The following CARMIL1 variants were observed in gnomAD, a reference collection of about 807,000 sequenced individuals.
The protein encoded by CARMIL1 is F-actin-uncapping protein LRRC16A.
Under a neutral mutation model 177.1 loss-of-function variants are expected in CARMIL1, and 90 were observed. That is an observed-to-expected ratio of 0.51 (90% CI 0.43 to 0.61). CARMIL1 has a LOEUF of 0.61. Among genes scored for constraint, CARMIL1 ranks in the 20% least tolerant of loss-of-function variants. The pLI, the probability that CARMIL1 is intolerant of heterozygous loss-of-function variation, is 0.00. For missense variants in CARMIL1, 1,380 were observed against 1,667.0 expected, an observed-to-expected ratio of 0.83 and a Z score of 3.00; for synonymous variants, 577 against 606.2, an observed-to-expected ratio of 0.95 and a Z score of 0.71.
intron 2 of CARMIL1, among the ~76,000 whole-genome samples, chr6:25,298,190 T>C (rs1418222331): frequency 1.3e-5 from 2 of 152,220 alleles, no homozygotes; most frequent in East Asian, 3.8e-4. Flanking sequence ...TAGCTGTTAT[T>C]GTTAGGGGTA....
chr6:25,411,515 A>C (rs1794901002), intron 2 of CARMIL1, among the ~76,000 whole-genome samples: 1 of 152,212 alleles, frequency 6.6e-6, no homozygotes, highest in South Asian at 2.1e-4. Context: ...CTTTGAAAAG[A>C]GGATCTGATA....
At chr6:25,477,852 CTTTTT>C in intron 11 of CARMIL1, among the ~76,000 whole-genome samples, 1 of 98,022 alleles carries the variant, frequency 1.0e-5, no homozygotes, top group African/African-American at 4.0e-5. Flanking sequence ...CTTCTCATCA[CTTTTT>C]TTTTTTTTTT....
Position 25,568,429 on chromosome 6 carries a change from C to T in CARMIL1, c.2742+11579C>T, listed in dbSNP as rs1477993490. 2.0e-5 allele frequency among the ~76,000 whole-genome samples: 3 copies of T among 152,142 alleles called. No individual in the cohort carries two copies. In the East Asian group the frequency reaches 5.8e-4, roughly 29 times the overall value. On this transcript the variant is annotated intron_variant, in intron 29 of 36. Transcript: ENST00000329474. ...CATGGTGCTCTATTCTGCTTGCTGG[C>T]TAAGGGTGGAGCCTTAACCTGGAAA...
At chr6:25,564,685 C>G (rs1356307798) in intron 29 of CARMIL1, among the ~76,000 whole-genome samples, 2 of 151,978 alleles carry the variant, frequency 1.3e-5, no homozygotes, top group East Asian at 3.9e-4. Context: ...TGCATTTGAC[C>G]TATAAAAAGT....
At chr6:25,479,080 C>T in intron 11 of CARMIL1, 1 of 518,672 alleles carries the variant, frequency 1.9e-6, no homozygotes, top group Non-Finnish European at 3.8e-6. Context: ...TGCTTTCTAA[C>T]AGAGAAGAGG....
At chr6:25,589,879 G>T (rs908984866) in intron 31 of CARMIL1, among the ~76,000 whole-genome samples, 1 of 152,136 alleles carries the variant, frequency 6.6e-6, no homozygotes, top group South Asian at 2.1e-4. Context: ...CAGGTGACTG[G>T]TATTGATCTT....
intron 2 of CARMIL1, among the ~76,000 whole-genome samples, chr6:25,401,753 C>A (rs1006894974): frequency 1.3e-5 from 2 of 152,166 alleles, no homozygotes; most frequent in African/African-American, 4.8e-5. Flanking sequence ...AATAAATGAA[C>A]CCCATTATAC....
At chr6:25,391,252 C>A (rs1303569510) in intron 2 of CARMIL1, among the ~76,000 whole-genome samples, 3 of 152,170 alleles carry the variant, frequency 2.0e-5, no homozygotes, top group Non-Finnish European at 4.4e-5. Flanking sequence ...GGGTGGGGGT[C>A]ATTTCCATAG....
At chr6:25,393,955 G>A (rs7769124) in intron 2 of CARMIL1, among the ~76,000 whole-genome samples, 5,791 of 152,228 alleles carry the variant, frequency 0.038, 130 homozygotes, top group South Asian at 0.08. Flanking sequence ...TCCACGCTAA[G>A]TTCCCTTTTC....
chr6:25,417,654 A>G (rs1314137627), intron 2 of CARMIL1, among the ~76,000 whole-genome samples: 1 of 152,102 alleles, frequency 6.6e-6, no homozygotes, highest in Non-Finnish European at 1.5e-5. Context: ...AGGATTGAGT[A>G]GTAACATATA....
At chr6:25,472,543 C>T (rs996956811) in intron 11 of CARMIL1, 22 bp downstream of exon 11, 6 of 1,508,028 alleles carry the variant, frequency 4.0e-6, no homozygotes, top group African/African-American at 2.8e-5. Flanking sequence ...TTCTCATTAT[C>T]ATTGATGCCA....
chr6:25,428,435 C>A (rs1796456492), intron 4 of CARMIL1, among the ~76,000 whole-genome samples: 2 of 152,156 alleles, frequency 1.3e-5, no homozygotes, highest in African/African-American at 2.4e-5. Context: ...GGCTTGTTTA[C>A]AACAAAATTT....
chr6:25,285,036 A>AT lies in CARMIL1; in HGVS notation c.138+131dup, dbSNP rs1561934282. On this transcript the variant is annotated intron_variant, in intron 2 of 36. Coordinates refer to ENST00000329474, the MANE Select transcript of CARMIL1 (RefSeq NM_017640.6). ...ATATTGTTCAAAAGTTCTGATGACC[A>AT]TTTTGTCTTAGGTTAATTGGAATAT... The AT allele has an allele frequency of 4.9e-6, 3 of 612,664 alleles. No individual in the cohort carries two copies. The African/African-American group carries it at 5.6e-5, about 11-fold the overall frequency. The allele number at this position is 612,664 out of a possible 1,614,324, so 38.0% of individuals were successfully genotyped here. A position where few individuals can be genotyped will look rare whatever the true frequency, so the allele number is the denominator to read the frequency against.
chr6:25,608,155 T>G (rs900340202), intron 35 of CARMIL1, among the ~76,000 whole-genome samples: 1 of 152,182 alleles, frequency 6.6e-6, no homozygotes, highest in Non-Finnish European at 1.5e-5. Flanking sequence ...TGAATCTAGT[T>G]TGTAGAGTAA....
chr6:25,333,978 T>A (rs2150294337), intron 2 of CARMIL1, among the ~76,000 whole-genome samples: 1 of 152,376 alleles, frequency 6.6e-6, no homozygotes, highest in African/African-American at 2.4e-5. Context: ...TCCTAGAATG[T>A]ACTTTCCCTG....
chr6:25,336,120 C>T (rs1458101600), intron 2 of CARMIL1, among the ~76,000 whole-genome samples: 1 of 152,116 alleles, frequency 6.6e-6, no homozygotes, highest in African/African-American at 2.4e-5. Context: ...AAAATAAAAA[C>T]TTTAATGTCT....
At chr6:25,465,435 A>G (rs1800515999) in intron 8 of CARMIL1, 1 of 155,322 alleles carries the variant, frequency 6.4e-6, no homozygotes, top group Admixed American at 6.3e-5. Context: ...TGGGAGAATC[A>G]CTTGAGTTTC....
intron 32 of CARMIL1, among the ~76,000 whole-genome samples, chr6:25,599,746 G>A (rs1226091158): frequency 6.6e-6 from 1 of 152,202 alleles, no homozygotes. Context: ...GGCTAAAGGG[G>A]TTTTAAGGTG....
At chr6:25,517,323 T>C in intron 21 of CARMIL1, 24 bp from the exon 22 acceptor site, 1 of 1,582,482 alleles carries the variant, frequency 6.3e-7, no homozygotes, top group Non-Finnish European at 8.7e-7. Context: ...GTCTGATCAT[T>C]TATGTGATTT....
Sources: allele counts gnomAD v4.1 joint callset (sites outside exome capture counted in the v4.1 genomes callset), GRCh38; gene constraint gnomAD v4.1.1; transcripts MANE v1.5; gene names NCBI Gene and HGNC (gene_info 2026-07-23, HGNC 2026-07-21).